Variants in SDK1 observed in about 807,000 individuals in gnomAD.
SDK1 encodes protein sidekick-1.
A neutral mutation model predicts 245.5 loss-of-function variants in SDK1; 157 were observed. The ratio of observed to expected loss-of-function variants is 0.64; its 90% CI spans 0.56 to 0.73. The LOEUF is 0.73. Ranked by LOEUF, SDK1 falls within the 30% of genes least tolerant of loss-of-function variation. The probability of loss-of-function intolerance (pLI) is 0.00; values close to 1 mark genes in which losing one functional copy is unlikely to be tolerated. For missense variants in SDK1, 3,583 were observed against 3,002.3 expected (o/e 1.19, Z -4.52); for synonymous variants, 1,647 against 1,278.5 (o/e 1.29, Z -6.15).
intron 24 of SDK1, 121 bp from the exon 25 acceptor site, chr7:4,113,916 T>C (rs1783519309): frequency 1.4e-6 from 1 of 708,808 alleles, no homozygotes; most frequent in African/African-American, 1.8e-5. Context: ...CTTCTAAGAC[T>C]ATTTCCCCCA....
chr7:3,982,468 G>A (rs1406328109), intron 13 of SDK1, among the ~76,000 whole-genome samples: 2 of 152,184 alleles, frequency 1.3e-5, no homozygotes, highest in African/African-American at 4.8e-5. Context: ...AGTTGCCATG[G>A]ATGATAATTC....
At chr7:4,175,587 A>C (rs2128218080) in intron 33 of SDK1, among the ~76,000 whole-genome samples, 188 bp from the exon 34 acceptor site, 1 of 152,342 alleles carries the variant, frequency 6.6e-6, no homozygotes, top group East Asian at 1.9e-4. Flanking sequence ...GAGGTGCGGC[A>C]GCCCCCGCAA....
intron 1 of SDK1, among the ~76,000 whole-genome samples, chr7:3,418,307 A>T (rs929310165): frequency 6.6e-6 from 1 of 152,078 alleles, no homozygotes; most frequent in African/African-American, 2.4e-5. Flanking sequence ...ACAGAGCGAG[A>T]CTCCATCTCA....
intron 37 of SDK1, among the ~76,000 whole-genome samples, 197 bp downstream of exon 37, chr7:4,208,482 C>T (rs948044046): frequency 6.6e-6 from 1 of 152,240 alleles, no homozygotes; most frequent in Non-Finnish European, 1.5e-5. Context: ...CAGACTGGTA[C>T]ACAGTGGCGC....
At chr7:3,540,028 T>A (rs1366158887) in intron 1 of SDK1, among the ~76,000 whole-genome samples, 1 of 152,218 alleles carries the variant, frequency 6.6e-6, no homozygotes, top group South Asian at 2.1e-4. Flanking sequence ...CATTTCAAAT[T>A]TATGATATTT....
chr7:3,579,505 A>G (rs747638451), intron 1 of SDK1, among the ~76,000 whole-genome samples: 16 of 152,228 alleles, frequency 1.1e-4, no homozygotes, highest in Non-Finnish European at 2.1e-4. Flanking sequence ...TCAATAAACT[A>G]CGTGTTGAAG....
At chr7:4,164,637 A>C (rs1330369471) in intron 32 of SDK1, among the ~76,000 whole-genome samples, 1 of 152,208 alleles carries the variant, frequency 6.6e-6, no homozygotes, top group African/African-American at 2.4e-5. Flanking sequence ...CTCCTTTCCT[A>C]TAAAGGCAGT....
At chr7:3,978,231 C>G (rs1157537275) in intron 13 of SDK1, among the ~76,000 whole-genome samples, 2 of 152,046 alleles carry the variant, frequency 1.3e-5, no homozygotes, top group South Asian at 2.1e-4. Flanking sequence ...GTTAGCAGTT[C>G]ATAAAGACTC....
Position 4,100,780 on chromosome 7 carries a change from C to T in SDK1, c.3325-9883C>T, listed in dbSNP as rs10282335. 7.0e-4 allele frequency among the ~76,000 whole-genome samples: 107 copies of T among 152,314 alleles called. 2 individuals carry two copies. Among genetic ancestry groups the T allele is most frequent in the African/African-American group, 2.5e-3 (104 of 41,578 alleles). ...TGGGGAAGGTGGTGTAGGAGGGCAC[C>T]AGGCACCCCTGGGCCTGGAGAGGGA... is the stretch of plus-strand genomic sequence containing the variant. On this transcript the variant is annotated intron_variant, in intron 22 of 44. Transcript: ENST00000404826.
intron 7 of SDK1, among the ~76,000 whole-genome samples, chr7:3,957,337 A>G (rs1342524628): frequency 2.0e-5 from 3 of 152,228 alleles, no homozygotes; most frequent in Non-Finnish European, 4.4e-5. Context: ...TGATTGTATC[A>G]GTAGCAGTAT....
At chr7:3,369,321 G>A (rs980075939) in intron 1 of SDK1, among the ~76,000 whole-genome samples, 3 of 152,164 alleles carry the variant, frequency 2.0e-5, no homozygotes, top group East Asian at 1.9e-4. Context: ...GATTACAGAC[G>A]TGACCCAGTG....
chr7:3,421,749 A>G (rs1779542186), intron 1 of SDK1, among the ~76,000 whole-genome samples: 2 of 152,198 alleles, frequency 1.3e-5, no homozygotes, highest in African/African-American at 2.4e-5. Flanking sequence ...GTCAAAAGTC[A>G]TAACTCCTCT....
intron 20 of SDK1, among the ~76,000 whole-genome samples, chr7:4,074,884 CTGTA>C (rs1373832090): frequency 3.2e-5 from 2 of 62,460 alleles, no homozygotes; most frequent in African/African-American, 2.4e-4. Context: ...CTCTCTCTCT[CTGTA>C]TATATATATA....
intron 1 of SDK1, among the ~76,000 whole-genome samples, chr7:3,618,701 C>T (rs1343380007): frequency 6.6e-6 from 1 of 152,168 alleles, no homozygotes; most frequent in Non-Finnish European, 1.5e-5. Context: ...ATAGAGGAAA[C>T]TTCTCTTTTA....
chr7:3,940,685 G>C (rs982937776), intron 5 of SDK1, among the ~76,000 whole-genome samples: 3 of 152,060 alleles, frequency 2.0e-5, no homozygotes, highest in Admixed American at 6.6e-5. Flanking sequence ...GCCGGGTGTC[G>C]TGGCAGGCGC....
intron 1 of SDK1, among the ~76,000 whole-genome samples, chr7:3,507,858 T>C (rs953792233): frequency 6.6e-6 from 1 of 152,192 alleles, no homozygotes; most frequent in Non-Finnish European, 1.5e-5. Context: ...TCAGTGTTGC[T>C]TTCATCCAGC....
At chr7:3,943,609 A>G (rs1197686711) in intron 5 of SDK1, among the ~76,000 whole-genome samples, 1 of 150,260 alleles carries the variant, frequency 6.7e-6, no homozygotes, top group East Asian at 2.0e-4. Flanking sequence ...CCGCTCCCCA[A>G]CCCGGCGCAC....
chr7:3,749,060 C>T (rs750462030), intron 4 of SDK1, among the ~76,000 whole-genome samples: 1 of 152,196 alleles, frequency 6.6e-6, no homozygotes, highest in Non-Finnish European at 1.5e-5. Context: ...AGCATATTCT[C>T]ACTATTCTTT....
At chr7:3,903,149 G>GTTTTT (rs79544680) in intron 5 of SDK1, among the ~76,000 whole-genome samples, 10 of 142,356 alleles carry the variant, frequency 7.0e-5, no homozygotes, top group African/African-American at 2.6e-4. Flanking sequence ...TTTTTGTTTT[G>GTTTTT]TTTTTTTTTT....
Sources: allele counts gnomAD v4.1 joint callset (sites outside exome capture counted in the v4.1 genomes callset), GRCh38; gene constraint gnomAD v4.1.1; transcripts MANE v1.5; gene names NCBI Gene and HGNC (gene_info 2026-07-23, HGNC 2026-07-21).